The following BPNT1 variants were observed in gnomAD, a reference collection of about 807,000 sequenced individuals.
BPNT1 encodes 3'(2'),5'-bisphosphate nucleotidase 1.
In BPNT1, 28 loss-of-function variants were observed where a neutral mutation model predicts 36.9. That is an observed-to-expected ratio of 0.76 (90% CI 0.56 to 1.04). BPNT1 has a LOEUF of 1.04. BPNT1 is among the 50% of genes least tolerant of loss of function. The pLI is 0.00. For synonymous variants in BPNT1, 119 were observed against 130.9 expected, an observed-to-expected ratio of 0.91 and a Z score of 0.62; for missense variants, 313 against 372.9, an observed-to-expected ratio of 0.84 and a Z score of 1.32.
intron 6 of BPNT1, among the ~76,000 whole-genome samples, chr1:220,064,416 C>T (rs1285471049): frequency 6.6e-6 from 1 of 152,112 alleles, no homozygotes; most frequent in Non-Finnish European, 1.5e-5. Context: ...GTATCAACAC[C>T]TGTGGAAGGA....
intron 2 of BPNT1, among the ~76,000 whole-genome samples, chr1:220,077,147 G>T (rs1003062339): frequency 1.3e-5 from 2 of 152,142 alleles, no homozygotes; most frequent in Non-Finnish European, 2.9e-5. Flanking sequence ...GGATGAAAAT[G>T]ACTCATGAAT....
chr1:220,062,333 C>T (rs1360795765), intron 7 of BPNT1, among the ~76,000 whole-genome samples: 1 of 143,236 alleles, frequency 7.0e-6, no homozygotes, highest in Non-Finnish European at 1.5e-5. Context: ...GTGACATTCC[C>T]CTTCCTGTGT....
intron 3 of BPNT1, 27 bp downstream of exon 3, chr1:220,073,940 T>A (rs1237413271): frequency 1.9e-6 from 3 of 1,596,180 alleles, no homozygotes; most frequent in East Asian, 4.5e-5. Context: ...ACAGAGATTT[T>A]AAAAAAATGT....
chr1:220,064,116 C>T (rs1181530341), intron 6 of BPNT1, among the ~76,000 whole-genome samples: 2 of 152,088 alleles, frequency 1.3e-5, no homozygotes, highest in Non-Finnish European at 2.9e-5. Context: ...GTATTCTCAT[C>T]CTTAATTTAA....
intron 1 of BPNT1, among the ~76,000 whole-genome samples, chr1:220,082,075 TATATATATATAGAG>T (rs1174865932): frequency 4.6e-5 from 5 of 109,038 alleles, no homozygotes; most frequent in African/African-American, 1.6e-4. Flanking sequence ...TATATATATA[TATATATATATAGAG>T]AGAGAGAGAG....
At chr1:220,073,735 G>T (rs1664293138) in intron 3 of BPNT1, among the ~76,000 whole-genome samples, 1 of 152,126 alleles carries the variant, frequency 6.6e-6, no homozygotes, top group African/African-American at 2.4e-5. Context: ...GGGTATAACA[G>T]TAACCATATC....
chr1:220,062,051 A>C (rs1663084575), intron 7 of BPNT1, among the ~76,000 whole-genome samples: 1 of 152,084 alleles, frequency 6.6e-6, no homozygotes, highest in South Asian at 2.1e-4. Context: ...AAAAAAAAAA[A>C]AACTTGATTC....
chr1:220,073,439 C>T (rs901306656), intron 3 of BPNT1, among the ~76,000 whole-genome samples: 3 of 152,048 alleles, frequency 2.0e-5, no homozygotes, highest in African/African-American at 7.3e-5. Flanking sequence ...CAGGCATTCA[C>T]CACCAAGCCT....
chr1:220,058,072 A>G lies in BPNT1; in HGVS notation c.*772T>C. 1 of 656,522 alleles carries G rather than the reference A, an allele frequency of 1.5e-6. No homozygotes were observed. The highest frequency in any genetic ancestry group is 3.3e-5 in the South Asian group (1 of 30,016). The allele number at this position is 656,522 out of a possible 1,614,324, so 40.7% of individuals were successfully genotyped here. The stretch of plus-strand genomic sequence containing the variant: ...GTGCCTGCAGTCCCAGCTACTCGGG[A>G]GGCTGAGGCAGGAGAATGGCATGAA... On this transcript the variant is annotated 3_prime_UTR_variant, in exon 9 of 9. Transcript: ENST00000322067.
intron 1 of BPNT1, among the ~76,000 whole-genome samples, chr1:220,081,737 A>G (rs1346206960): frequency 6.6e-6 from 1 of 151,916 alleles, no homozygotes; most frequent in Non-Finnish European, 1.5e-5. Flanking sequence ...GAAACGTCAC[A>G]ATAGGGAGAT....
rs746507922 is a variant in BPNT1, at chr1:220,058,887, G to C, written c.884C>G (p.Ala295Gly). ...LATLRNYDYY[A>G]SRVPESIKNA... ...TTTAATAGATTCTGGAACTCGGCTT[G>C]CATAGTAGTCATAATTCCTCAGTGT... is the stretch of plus-strand genomic sequence containing the variant. Residue 295 changes from alanine to glycine, a missense_variant, in exon 9 of 9, where the codon GCA (alanine) becomes GGA (glycine). Coordinates refer to ENST00000322067, the MANE Select transcript of BPNT1 (RefSeq NM_006085.6). The C allele has an allele frequency of 6.2e-7, 1 of 1,614,112 alleles. No homozygotes were observed. The highest frequency in any genetic ancestry group is 2.2e-5 in the East Asian group (1 of 44,884).
In BPNT1 at chr1:220,057,911, C is replaced by T. The variant is rs17856551; in HGVS notation, c.*933G>A. 7.8e-7 allele frequency: 1 copy of T among 1,280,836 alleles called. No homozygotes were observed. Among genetic ancestry groups the T allele is most frequent in the Non-Finnish European group, 1.0e-6 (1 of 970,442 alleles). 79.3% of individuals were successfully genotyped at this position (1,280,836 alleles called of 1,614,324 possible). A position where few individuals can be genotyped will look rare whatever the true frequency, so the allele number is the denominator to read the frequency against. On this transcript the variant is annotated 3_prime_UTR_variant, in exon 9 of 9. Coordinates refer to ENST00000322067, the MANE Select transcript of BPNT1 (RefSeq NM_006085.6). ...ATCTGGTTTAGGCCAGGTGCGGTGG[C>T]TCACACCTGTAATCCCAGCACTTTG...
intron 7 of BPNT1, among the ~76,000 whole-genome samples, chr1:220,060,877 C>T (rs915057785): frequency 1.3e-5 from 2 of 151,694 alleles, no homozygotes; most frequent in Non-Finnish European, 2.9e-5. Context: ...CAACTCAAAG[C>T]GGTGGGGGCG....
intron 7 of BPNT1, among the ~76,000 whole-genome samples, chr1:220,061,784 A>AGGGGAG (rs1663060920): frequency 6.6e-6 from 1 of 152,128 alleles, no homozygotes; most frequent in South Asian, 2.1e-4. Context: ...AATGATATCT[A>AGGGGAG]GGGGACAATC....
At chr1:220,078,533 A>ATT in intron 2 of BPNT1, among the ~76,000 whole-genome samples, 1 of 134,804 alleles carries the variant, frequency 7.4e-6, no homozygotes, top group East Asian at 2.2e-4. Context: ...ATTATATTAC[A>ATT]TTATATATAT....
At chr1:220,065,039 A>T (rs1048291695) in intron 6 of BPNT1, among the ~76,000 whole-genome samples, 2 of 152,122 alleles carry the variant, frequency 1.3e-5, no homozygotes, top group African/African-American at 4.8e-5. Flanking sequence ...CGAACTCCTG[A>T]CCTTGTGATC....
chr1:220,069,246 A>G, intron 5 of BPNT1, 138 bp downstream of exon 5: 1 of 588,042 alleles, frequency 1.7e-6, no homozygotes, highest in Non-Finnish European at 2.8e-6. Context: ...GATAACCATG[A>G]GCACAAATAT....
intron 2 of BPNT1, among the ~76,000 whole-genome samples, chr1:220,077,648 G>A (rs1000559509): frequency 1.1e-4 from 17 of 151,876 alleles, no homozygotes; most frequent in African/African-American, 2.4e-4. Context: ...ACTTTTGAAC[G>A]TGAGTTCAAA....
chr1:220,080,414 C>T (rs1216122064), intron 1 of BPNT1, among the ~76,000 whole-genome samples: 1 of 152,048 alleles, frequency 6.6e-6, no homozygotes, highest in Non-Finnish European at 1.5e-5. Flanking sequence ...TTTATTATTT[C>T]CAGTGGCAAG....
Sources: gnomAD v4.1 joint callset for allele counts (sites outside exome capture counted in the v4.1 genomes callset) on GRCh38, gnomAD v4.1.1 for gene constraint, MANE v1.5 for transcripts, NCBI Gene and HGNC (gene_info 2026-07-23, HGNC 2026-07-21) for gene names.